The following DHRSX variants were observed in gnomAD, a reference collection of about 807,000 sequenced individuals.
The protein encoded by DHRSX is dehydrogenase/reductase X-linked.
DHRSX carries 31 observed loss-of-function variants against 34.0 expected under a neutral mutation model. The observed-to-expected ratio is 0.91, with a 90% CI of 0.69 to 1.23. The LOEUF is 1.23. Ranked by LOEUF, DHRSX falls within the 50% of genes most tolerant of loss-of-function variation. The probability of loss-of-function intolerance (pLI) is 0.00; values close to 1 mark genes in which losing one functional copy is unlikely to be tolerated. For synonymous variants in DHRSX, 201 were observed against 183.8 expected, an observed-to-expected ratio of 1.09 and a Z score of -0.76; for missense variants, 414 against 428.1, an observed-to-expected ratio of 0.97 and a Z score of 0.29.
chrX:2,248,777 A>T (rs2016363738), intron 5 of DHRSX, among the ~76,000 whole-genome samples: 1 of 152,074 alleles, frequency 6.6e-6, no homozygotes, highest in East Asian at 1.9e-4. Context: ...GGCCAAAAAA[A>T]TCTAGACAGG....
intron 6 of DHRSX, among the ~76,000 whole-genome samples, chrX:2,238,918 G>A (rs1382143273): frequency 6.6e-6 from 1 of 151,974 alleles, no homozygotes; most frequent in African/African-American, 2.4e-5. Context: ...ATGCATGCAT[G>A]CATGCATGCA....
intron 4 of DHRSX, among the ~76,000 whole-genome samples, chrX:2,282,402 A>C (rs1361906993): frequency 1.4e-5 from 2 of 144,932 alleles, no homozygotes; most frequent in African/African-American, 5.1e-5. Context: ...GACAGAGAGA[A>C]AGAGAGAAAG....
At chrX:2,406,539 C>T (rs1386163066) in intron 3 of DHRSX, among the ~76,000 whole-genome samples, 2 of 151,408 alleles carry the variant, frequency 1.3e-5, no homozygotes, top group African/African-American at 4.9e-5. Context: ...CTCCCAGGTT[C>T]AAGCAATTCT....
Position 2,424,503 on chromosome X carries a change from T to C in DHRSX, c.217+694A>G, listed in dbSNP as rs763572610. Among the ~76,000 whole-genome samples the C allele has an allele frequency of 7.9e-5, 12 of 152,256 alleles. No homozygotes were observed. The East Asian group carries it at 2.3e-3, about 29-fold the overall frequency. On this transcript the variant is annotated intron_variant, in intron 2 of 6. Transcript: ENST00000334651. ...GGAATTGGGAGGAACCAGCCCTACT[T>C]ACACTGTGATATTGAACTTCCAGCC...
In DHRSX at chrX:2,271,478, C is replaced by A. The variant is rs184704197; in HGVS notation, c.389-4531G>T. Among the ~76,000 whole-genome samples the A allele has an allele frequency of 1.2e-3, 182 of 152,320 alleles. 1 individual carries two copies. The highest frequency in any genetic ancestry group is 2.1e-3 in the Non-Finnish European group (141 of 68,024). On this transcript the variant is annotated intron_variant, in intron 4 of 6. Transcript: ENST00000334651. ...AGTCCTTGCTTCTCACCTGCACACA[C>A]TTTCCAGCCAGACTCAGTGCTTCCC...
At chrX:2,406,842 T>A (rs1049898358) in intron 3 of DHRSX, among the ~76,000 whole-genome samples, 2 of 152,172 alleles carry the variant, frequency 1.3e-5, no homozygotes, top group Admixed American at 1.3e-4. Context: ...ACAGTCACTA[T>A]GAAAAACAGT....
At chrX:2,440,223 C>G (rs188959797) in intron 1 of DHRSX, among the ~76,000 whole-genome samples, 1 of 151,968 alleles carries the variant, frequency 6.6e-6, no homozygotes, top group Non-Finnish European at 1.5e-5. Flanking sequence ...TTTTTTGAGA[C>G]AAGGTCTCAC....
At chrX:2,222,786 C>A (rs1214740494) in intron 6 of DHRSX, among the ~76,000 whole-genome samples, 1 of 152,192 alleles carries the variant, frequency 6.6e-6, no homozygotes, top group East Asian at 1.9e-4. Context: ...CACCCAGTCA[C>A]TTCAGAAATT....
chrX:2,478,835 C>T (rs73622920), intron 1 of DHRSX, among the ~76,000 whole-genome samples: 2,561 of 151,084 alleles, frequency 0.017, 64 homozygotes, highest in East Asian at 0.087. Context: ...GAAGTGAAGA[C>T]GCTCCCTAAG....
At chrX:2,259,499 T>C (rs1449481136) in intron 5 of DHRSX, among the ~76,000 whole-genome samples, 1 of 151,950 alleles carries the variant, frequency 6.6e-6, no homozygotes, top group Non-Finnish European at 1.5e-5. Flanking sequence ...TGGCTCTGGC[T>C]CTCAAGCCCT....
intron 3 of DHRSX, among the ~76,000 whole-genome samples, chrX:2,383,070 A>G (rs2043231654): frequency 6.6e-6 from 1 of 150,814 alleles, no homozygotes; most frequent in African/African-American, 2.5e-5. Context: ...CATCACCATC[A>G]TCAGCAGCAG....
chrX:2,311,725 A>T (rs1331094340), intron 3 of DHRSX, among the ~76,000 whole-genome samples: 1 of 152,148 alleles, frequency 6.6e-6, no homozygotes, highest in Non-Finnish European at 1.5e-5. Flanking sequence ...GTCTCCAAGG[A>T]GGTAAATCGT....
chrX:2,428,697 C>T (rs2043879972), intron 1 of DHRSX, among the ~76,000 whole-genome samples: 1 of 152,124 alleles, frequency 6.6e-6, no homozygotes. Context: ...TGCAGCAAAC[C>T]ACCATGGCAC....
chrX:2,496,251 T>C (rs2045282613), intron 1 of DHRSX, among the ~76,000 whole-genome samples: 1 of 152,218 alleles, frequency 6.6e-6, no homozygotes, highest in African/African-American at 2.4e-5. Context: ...CAGGCTTGAG[T>C]GCAGTGGCGC....
At chrX:2,440,225 A>C (rs1363077073) in intron 1 of DHRSX, among the ~76,000 whole-genome samples, 5 of 151,978 alleles carry the variant, frequency 3.3e-5, no homozygotes, top group Non-Finnish European at 7.4e-5. Context: ...TTTTGAGACA[A>C]GGTCTCACTC....
intron 3 of DHRSX, among the ~76,000 whole-genome samples, chrX:2,341,924 C>A (rs2042645729): frequency 6.6e-6 from 1 of 152,114 alleles, no homozygotes; most frequent in Non-Finnish European, 1.5e-5. Flanking sequence ...CCTGCCTTAG[C>A]CTCCCAAGTA....
intron 3 of DHRSX, among the ~76,000 whole-genome samples, chrX:2,377,510 G>A (rs1237554124): frequency 2.6e-5 from 4 of 152,062 alleles, no homozygotes; most frequent in East Asian, 1.9e-4. Context: ...GCGGTAATGC[G>A]TGCAGTGGGA....
chrX:2,360,421 A>C (rs1238956013), intron 3 of DHRSX, among the ~76,000 whole-genome samples: 1 of 152,030 alleles, frequency 6.6e-6, no homozygotes, highest in Non-Finnish European at 1.5e-5. Flanking sequence ...TGTCTCTACT[A>C]AAAATACAAA....
At chrX:2,284,009 CATTCCT>C (rs2041770676) in intron 4 of DHRSX, among the ~76,000 whole-genome samples, 1 of 151,904 alleles carries the variant, frequency 6.6e-6, no homozygotes, top group Non-Finnish European at 1.5e-5. Flanking sequence ...TTCATTCATT[CATTCCT>C]CTGAATTTAT....
Sources: allele counts gnomAD v4.1 joint callset (sites outside exome capture counted in the v4.1 genomes callset), GRCh38; gene constraint gnomAD v4.1.1; transcripts MANE v1.5; gene names NCBI Gene and HGNC (gene_info 2026-07-23, HGNC 2026-07-21).